The following ZNF428 variants were observed in gnomAD, a reference collection of about 807,000 sequenced individuals.
ZNF428 encodes zinc finger protein 428.
In ZNF428, 5 loss-of-function variants were observed where a neutral mutation model predicts 15.6. That is an observed-to-expected ratio of 0.32 (90% CI 0.17 to 0.67). The LOEUF (loss-of-function observed/expected upper bound fraction) is 0.67. ZNF428 is among the 30% of genes least tolerant of loss of function. The pLI is 0.73. For missense variants in ZNF428, 237 were observed against 256.0 expected (o/e 0.93, Z 0.51); for synonymous variants, 97 against 102.2 (o/e 0.95, Z 0.31).
chr19:43,607,855 G>C lies in ZNF428; in HGVS notation c.329C>G (p.Pro110Arg). 1 of 1,557,158 alleles carries C rather than the reference G, an allele frequency of 6.4e-7. No homozygotes were observed. The highest frequency in any genetic ancestry group is 8.7e-7 in the Non-Finnish European group (1 of 1,150,134). ...PLGEAPPGTP[P>R]CRLCCPATAP... Reference sequence around the variant, plus strand: ...TGTAGCAGGGCAGCAGAGCCGGCAGGGTGGGGTTCCCGGTGGGGCCTCCCC... The same window carrying C: ...TGTAGCAGGGCAGCAGAGCCGGCAGCGTGGGGTTCCCGGTGGGGCCTCCCC... Residue 110 changes from proline (P) to arginine (R), a missense_variant, in exon 3 of 3, where the codon CCC (proline) becomes CGC (arginine). Coordinates refer to ENST00000300811, the MANE Select transcript of ZNF428 (RefSeq NM_182498.4). The surrounding 1 kb of genome is among the most constrained non-coding windows in gnomAD (Gnocchi z 5.1).
Position 43,607,396 on chromosome 19 carries a change from A to G in ZNF428, c.*221T>C. 2 of 529,018 alleles carry G rather than the reference A, an allele frequency of 3.8e-6. No individual in the cohort carries two copies. Among genetic ancestry groups the G allele is most frequent in the South Asian group, 6.2e-5 (2 of 32,348 alleles). The allele number at this position is 529,018 out of a possible 1,614,324, so 32.8% of individuals were successfully genotyped here. A position where few individuals can be genotyped will look rare whatever the true frequency, so the allele number is the denominator to read the frequency against. On this transcript the variant is annotated 3_prime_UTR_variant, in exon 3 of 3. Coordinates refer to ENST00000300811, the MANE Select transcript of ZNF428 (RefSeq NM_182498.4). This position sits in a 1 kb window ranked among gnomAD's most constrained non-coding sequence, Gnocchi z 5.1. ...ATACACACACACACACACACACACAAACACACACACGGGCGGGAATACACA... is the reference window on the plus strand; with the variant it reads ...ATACACACACACACACACACACACAGACACACACACGGGCGGGAATACACA...
chr19:43,614,210 A>T lies in ZNF428; in HGVS notation c.76+19T>A. The T allele has an allele frequency of 1.9e-6, 3 of 1,614,016 alleles. No homozygotes were observed. In the South Asian group the frequency reaches 3.3e-5, roughly 18 times the overall value. On this transcript the variant is annotated intron_variant, in intron 2 of 2. Transcript: ENST00000300811. Reference sequence around the variant, plus strand: ...GGATGACAGTCAAGCCGACGCCACCACCTCTAAGGCCACCTTACCTGGGGA... The same window carrying T: ...GGATGACAGTCAAGCCGACGCCACCTCCTCTAAGGCCACCTTACCTGGGGA...
rs779678384 is a variant in ZNF428, at chr19:43,607,861, G to A, written c.323C>T (p.Thr108Ile). ...RSPLGEAPPG[T>I]PPCRLCCPAT... is the part of the protein sequence containing the mutation. The stretch of plus-strand genomic sequence containing the variant: ...AGGGCAGCAGAGCCGGCAGGGTGGG[G>A]TTCCCGGTGGGGCCTCCCCAAGGGG... The change falls in exon 3 of 3, where the codon ACC becomes ATC. Residue 108 changes from threonine (T) to isoleucine (I), a missense_variant. Physicochemically the swap from Thr to Ile is moderately conservative, Grantham distance 89 (BLOSUM62 -1). Coordinates refer to ENST00000300811, the MANE Select transcript of ZNF428 (RefSeq NM_182498.4). The surrounding 1 kb of genome is among the most constrained non-coding windows in gnomAD (Gnocchi z 5.1). The A allele has an allele frequency of 4.5e-6, 7 of 1,555,844 alleles. No individual in the cohort carries two copies. Among genetic ancestry groups the A allele is most frequent in the Non-Finnish European group, 8.7e-7 (1 of 1,149,538 alleles).
chr19:43,613,599 A>G, intron 2 of ZNF428: 2 of 1,550,316 alleles, frequency 1.3e-6, no homozygotes, highest in Non-Finnish European at 1.7e-6. Flanking sequence ...AGCCCCAGCA[A>G]AGAGAGAGAT....
intron 1 of ZNF428, among the ~76,000 whole-genome samples, chr19:43,617,281 A>C (rs1973381513): frequency 6.6e-6 from 1 of 151,040 alleles, no homozygotes; most frequent in Non-Finnish European, 1.5e-5. Flanking sequence ...ACACACACAC[A>C]CCACTACTGT....
Position 43,619,594 on chromosome 19 carries a change from G to A in ZNF428, c.-167C>T, listed in dbSNP as rs1340717610. 2.0e-5 allele frequency: 3 copies of A among 152,416 alleles called. No homozygotes were observed. The highest frequency in any genetic ancestry group is 2.1e-4 in the South Asian group (1 of 4,832). The allele number at this position is 152,416 out of a possible 1,614,324, so 9.4% of individuals were successfully genotyped here. On this transcript the variant is annotated 5_prime_UTR_variant, in exon 1 of 3. Transcript: ENST00000300811. ...GCCCCCGCTCCGGCTCTGCGGCGGC[G>A]GCTGCACGCCCAGCCTCTGCGCCTG...
At chr19:43,611,597 G>A (rs1973297924) in intron 2 of ZNF428, among the ~76,000 whole-genome samples, 1 of 152,174 alleles carries the variant, frequency 6.6e-6, no homozygotes, top group Non-Finnish European at 1.5e-5. Flanking sequence ...TGGGATTACA[G>A]GTGTGAGCCA....
chr19:43,607,682 C>T lies in ZNF428; in HGVS notation c.502G>A (p.Asp168Asn). The change falls in exon 3 of 3, where the codon GAT becomes AAT. Residue 168 changes from aspartate to asparagine, a missense_variant. Physicochemically the swap from Asp to Asn is conservative, Grantham distance 23. Transcript: ENST00000300811. This position sits in a 1 kb window ranked among gnomAD's most constrained non-coding sequence, Gnocchi z 5.1. Reference protein sequence around the residue: ...EGTYHCTECEDSFDNLGELHG... With the variant: ...EGTYHCTECENSFDNLGELHG... ...AGCTCCCCCAGGTTGTCGAAGGAAT[C>T]CTCACATTCCGTACAGTGGTAGGTT... 1 of 1,613,182 alleles carries T rather than the reference C, an allele frequency of 6.2e-7. No individual in the cohort carries two copies. The highest frequency in any genetic ancestry group is 8.5e-7 in the Non-Finnish European group (1 of 1,179,496).
At chr19:43,618,590 GTA>G (rs1973398427) in intron 1 of ZNF428, among the ~76,000 whole-genome samples, 1 of 22,710 alleles carries the variant, frequency 4.4e-5, no homozygotes, top group African/African-American at 1.9e-4. Flanking sequence ...TTTTTTTTTT[GTA>G]GAGACGGGGG....
chr19:43,618,289 T>A (rs34521657), intron 1 of ZNF428, among the ~76,000 whole-genome samples: 42,319 of 151,544 alleles, frequency 0.28, 6,101 homozygotes, highest in South Asian at 0.35. Context: ...CGCCTCGGCC[T>A]CCCAAAGTGC....
At position 43,612,872 on chromosome 19, in the gene ZNF428, C is replaced by G. The variant is rs1348847721; in HGVS notation, c.76+1357G>C. ...GAAGAGCTACGGTCAGATGATCATC[C>G]CCAGTAGGGAAAAGAGTTACAGCCC... On this transcript the variant is annotated intron_variant, in intron 2 of 2. Coordinates refer to ENST00000300811, the MANE Select transcript of ZNF428 (RefSeq NM_182498.4). The surrounding 1 kb of genome is among the most constrained non-coding windows in gnomAD (Gnocchi z 4.2). 5 of 1,551,518 alleles carry G rather than the reference C, an allele frequency of 3.2e-6. No homozygotes were observed. In the Admixed American group the frequency reaches 9.8e-5, roughly 30 times the overall value.
rs757443134 is a variant in ZNF428 at position 43,613,287 on chromosome 19, G to A, written c.76+942C>T. 58 of 1,551,334 alleles carry A rather than the reference G, an allele frequency of 3.7e-5. No homozygotes were observed. The African/African-American group carries it at 5.3e-4, about 14-fold the overall frequency. On this transcript the variant is annotated intron_variant, in intron 2 of 2. Coordinates refer to ENST00000300811, the MANE Select transcript of ZNF428 (RefSeq NM_182498.4). ...AGCAGCCCCAGGAAGGAGAGTGGTC[G>A]CAGTCAATCAGGAAGCCCCAACAAG...
chr19:43,615,118 A>C (rs1162195413), intron 1 of ZNF428, among the ~76,000 whole-genome samples: 2 of 151,952 alleles, frequency 1.3e-5, no homozygotes, highest in African/African-American at 2.4e-5. Context: ...GGGAAAAAAA[A>C]CCCTCAAACT....
rs1271827008 is a variant in ZNF428, at chr19:43,607,909, G to A, written c.275C>T (p.Pro92Leu). Reference sequence around the variant, plus strand: ...GGGTGAGCGGCCACAGAGCTGGCAAGGCTGGGCCGGGGGCTGGGCTGCACG... The same window carrying A: ...GGGTGAGCGGCCACAGAGCTGGCAAAGCTGGGCCGGGGGCTGGGCTGCACG... ...APRAAQPPAQ[P>L]CQLCGRSPLG... Residue 92 changes from proline to leucine, a missense_variant, in exon 3 of 3, where the codon CCT becomes CTT. Pro to Leu is a moderately conservative substitution (Grantham distance 98). Coordinates refer to ENST00000300811, the MANE Select transcript of ZNF428 (RefSeq NM_182498.4). This position sits in a 1 kb window ranked among gnomAD's most constrained non-coding sequence, Gnocchi z 5.1. The A allele has an allele frequency of 2.6e-6, 4 of 1,566,234 alleles. No individual in the cohort carries two copies. Among genetic ancestry groups the A allele is most frequent in the Admixed American group, 3.9e-5 (2 of 51,890 alleles).
At chr19:43,617,799 C>G (rs895808073) in intron 1 of ZNF428, among the ~76,000 whole-genome samples, 3 of 152,142 alleles carry the variant, frequency 2.0e-5, no homozygotes, top group African/African-American at 4.8e-5. Flanking sequence ...CCTTGGCCTC[C>G]CACTTCCCAA....
Position 43,612,583 on chromosome 19 carries a change from G to A in ZNF428, c.76+1646C>T, listed in dbSNP as rs1973311953. Reference sequence around the variant, plus strand: ...GAACTCATGGTGCCAGACCAGGCATGGCCAGCAGGGTGAGAACTCCCACTT... The same window carrying A: ...GAACTCATGGTGCCAGACCAGGCATAGCCAGCAGGGTGAGAACTCCCACTT... On this transcript the variant is annotated intron_variant, in intron 2 of 2. Transcript: ENST00000300811. The surrounding 1 kb of genome is among the most constrained non-coding windows in gnomAD (Gnocchi z 4.2). 7 of 1,551,284 alleles carry A rather than the reference G, an allele frequency of 4.5e-6. No individual in the cohort carries two copies. Among genetic ancestry groups the A allele is most frequent in the Admixed American group, 2.0e-5 (1 of 50,970 alleles).
intron 2 of ZNF428, among the ~76,000 whole-genome samples, chr19:43,610,070 C>A (rs758924855): frequency 6.6e-6 from 1 of 152,090 alleles, no homozygotes; most frequent in Non-Finnish European, 1.5e-5. Flanking sequence ...CAGGCCCATA[C>A]CTGCCTCAGG....
intron 1 of ZNF428, among the ~76,000 whole-genome samples, chr19:43,616,467 G>A (rs1179265717): frequency 6.6e-6 from 1 of 152,144 alleles, no homozygotes; most frequent in Non-Finnish European, 1.5e-5. Flanking sequence ...TAACTAGACT[G>A]GGAATTATCT....
chr19:43,610,224 G>C (rs1374599354), intron 2 of ZNF428, among the ~76,000 whole-genome samples: 1 of 151,812 alleles, frequency 6.6e-6, no homozygotes, highest in Non-Finnish European at 1.5e-5. Flanking sequence ...TTTTGAGATA[G>C]AGTCTCGCTC....
Sources: allele counts gnomAD v4.1 joint callset (sites outside exome capture counted in the v4.1 genomes callset), GRCh38; gene constraint gnomAD v4.1.1; non-coding constraint Gnocchi (gnomAD v3.1); transcripts MANE v1.5; gene names NCBI Gene and HGNC (gene_info 2026-07-23, HGNC 2026-07-21).